TOP3B: variants seen among roughly 807,000 people sequenced by gnomAD.
The protein encoded by TOP3B is DNA topoisomerase III beta.
In TOP3B, 45 loss-of-function variants were observed where a neutral mutation model predicts 93.9. The ratio of observed to expected loss-of-function variants is 0.48; its 90% CI spans 0.38 to 0.61. The LOEUF is 0.61. TOP3B is among the 20% of genes least tolerant of loss of function. The pLI, the probability that TOP3B is intolerant of heterozygous loss-of-function variation, is 0.00. For missense variants in TOP3B, 750 were observed against 1,156.1 expected, an observed-to-expected ratio of 0.65 and a Z score of 5.09; for synonymous variants, 357 against 472.6, an observed-to-expected ratio of 0.76 and a Z score of 3.17.
chr22:21,971,749 G>A lies in TOP3B; in HGVS notation c.384+128C>T, dbSNP rs1197501754. 6 of 778,894 alleles carry A rather than the reference G, an allele frequency of 7.7e-6. No homozygotes were observed. Among genetic ancestry groups the A allele is most frequent in the Non-Finnish European group, 1.4e-5 (6 of 441,492 alleles). 48.2% of individuals were successfully genotyped at this position (778,894 alleles called of 1,614,324 possible). On this transcript the variant is annotated intron_variant, in intron 5 of 17. Transcript: ENST00000357179. The surrounding 1 kb of genome is among the most constrained non-coding windows in gnomAD (Gnocchi z 4.6). Reference sequence around the variant, plus strand: ...GTTTCAGAATAAAGGGAGGGGAGAGGTGTTTTTAAACCGGTACAGTTTACT... The same window carrying A: ...GTTTCAGAATAAAGGGAGGGGAGAGATGTTTTTAAACCGGTACAGTTTACT...
chr22:21,958,043 A>T (rs1374354086), intron 17 of TOP3B: 1 of 1,307,054 alleles, frequency 7.7e-7, no homozygotes, highest in East Asian at 4.9e-5. Flanking sequence ...GAATGTGGGC[A>T]GATGCCTCAC....
In TOP3B at chr22:21,968,708, A is replaced by G; in HGVS notation, c.649T>C (p.Cys217Arg). 1.2e-6 allele frequency: 2 copies of G among 1,614,224 alleles called. No homozygotes were observed. The highest frequency in any genetic ancestry group is 2.7e-5 in the African/African-American group (2 of 75,058). ...CAGAATCCCAGGGTTGGAGTCTGAC[A>G]CGGCCCAAAGGAGATGAGAGAGCTG... ...LDSSLISFGP[C>R]QTPTLGFCVE... Residue 217 changes from cysteine to arginine, a missense_variant, in exon 7 of 18, where the codon TGT (cysteine) becomes CGT (arginine). Transcript: ENST00000357179.
rs372226983 is a variant in TOP3B, at chr22:21,964,283, C to T, written c.976G>A (p.Glu326Lys). Reference protein sequence around the residue: ...MGPQHAMQTAERLYTQGYISY... With the variant: ...MGPQHAMQTAKRLYTQGYISY... ...ATGTAGCCTTGCGTGTAGAGCCGCT[C>T]AGCCGTCTGCATGGCGTGCTGCGGC... Residue 326 changes from glutamate (E) to lysine (K), a missense_variant, in exon 10 of 18, where the codon GAG becomes AAG. Physicochemically the swap from Glu to Lys is moderately conservative, Grantham distance 56. Transcript: ENST00000357179. 2 of 1,613,756 alleles carry T rather than the reference C, an allele frequency of 1.2e-6. No homozygotes were observed. Among genetic ancestry groups the T allele is most frequent in the African/African-American group, 1.3e-5 (1 of 74,884 alleles).
chr22:21,978,435 C>T (rs536387032), intron 1 of TOP3B, among the ~76,000 whole-genome samples: 2 of 152,304 alleles, frequency 1.3e-5, no homozygotes, highest in South Asian at 4.1e-4. Context: ...AAAGGAACAA[C>T]CCATGGCTTT....
intron 1 of TOP3B, among the ~76,000 whole-genome samples, chr22:21,981,494 A>C (rs1430310746): frequency 6.6e-6 from 1 of 152,242 alleles, no homozygotes; most frequent in Non-Finnish European, 1.5e-5. Flanking sequence ...AGTAAGCAGC[A>C]GGAGAACACG....
chr22:21,972,565 A>T, intron 4 of TOP3B, 47 bp downstream of exon 4: 1 of 1,403,800 alleles, frequency 7.1e-7, no homozygotes, highest in Non-Finnish European at 9.9e-7. Flanking sequence ...GCAGCTGTGG[A>T]GGGTGGGGAG....
rs979034165 is a variant in TOP3B, at chr22:21,970,018, T to A, written c.581+192A>T. The stretch of plus-strand genomic sequence containing the variant: ...CTGCCAACCTCAAGCAATCCTCCTA[T>A]CCTGGTCTCCCAAAGTGCAGGGATT... On this transcript the variant is annotated intron_variant, in intron 6 of 17. Coordinates refer to ENST00000357179, the MANE Select transcript of TOP3B (RefSeq NM_001282112.2). The surrounding 1 kb of genome is among the most constrained non-coding windows in gnomAD (Gnocchi z 4.4). The A allele has an allele frequency of 3.0e-5, 17 of 568,690 alleles. No individual in the cohort carries two copies. The highest frequency in any genetic ancestry group is 2.8e-4 in the African/African-American group (15 of 52,682). The allele number at this position is 568,690 out of a possible 1,614,324, so 35.2% of individuals were successfully genotyped here. A position where few individuals can be genotyped will look rare whatever the true frequency, so the allele number is the denominator to read the frequency against.
intron 1 of TOP3B, among the ~76,000 whole-genome samples, chr22:21,981,294 G>A (rs1817186342): frequency 6.6e-6 from 1 of 152,206 alleles, no homozygotes; most frequent in South Asian, 2.1e-4. Context: ...TGTGGGGTCA[G>A]AGAGACCAGA....
At chr22:21,980,356 G>T (rs1025108052) in intron 1 of TOP3B, among the ~76,000 whole-genome samples, 8 of 152,142 alleles carry the variant, frequency 5.3e-5, no homozygotes, top group Non-Finnish European at 1.2e-4. Flanking sequence ...ATAAAGGAGG[G>T]TTGTAAAGGG....
intron 14 of TOP3B, 104 bp from the exon 15 acceptor site, chr22:21,959,840 G>A: frequency 1.3e-6 from 2 of 1,489,248 alleles, no homozygotes; most frequent in Non-Finnish European, 9.0e-7. Context: ...TCCCGCTCTG[G>A]CCCGTCCTCC....
Position 21,964,319 on chromosome 22 carries a change from CGA to C in TOP3B, c.944-6_944-5del, listed in dbSNP as rs1569147045. ...ATGGCGTGCTGCGGCCCCATGCCTG[CGA>C]GAGACAGGAGGTTCTCAGAGGGCCA... On this transcript the variant is annotated splice_polypyrimidine_tract_variant and splice_region_variant and intron_variant, in intron 9 of 17. Coordinates refer to ENST00000357179, the MANE Select transcript of TOP3B (RefSeq NM_001282112.2). 1.9e-6 allele frequency: 3 copies of C among 1,613,108 alleles called. No individual in the cohort carries two copies. Among genetic ancestry groups the C allele is most frequent in the Admixed American group, 3.3e-5 (2 of 60,014 alleles).
chr22:21,967,826 G>A (rs2145853945), intron 7 of TOP3B, 110 bp from the exon 8 acceptor site: 1 of 801,978 alleles, frequency 1.2e-6, no homozygotes, highest in East Asian at 2.5e-5. Flanking sequence ...GAGCCAAATA[G>A]CCCTGGCTGT....
At chr22:21,960,235 C>T (rs2071109758) in intron 14 of TOP3B, 86 bp downstream of exon 14, 1 of 1,587,246 alleles carries the variant, frequency 6.3e-7, no homozygotes, top group Admixed American at 1.7e-5. Flanking sequence ...AGGGCAGGGG[C>T]CTGTCTGGAG....
chr22:21,980,898 AG>A (rs1479581668), intron 1 of TOP3B, among the ~76,000 whole-genome samples: 1 of 152,216 alleles, frequency 6.6e-6, no homozygotes, highest in African/African-American at 2.4e-5. Context: ...ATGCCTGCTG[AG>A]GGAATGAATG....
chr22:21,965,525 A>G (rs1005938340), intron 8 of TOP3B, 150 bp from the exon 9 acceptor site: 1 of 446,480 alleles, frequency 2.2e-6, no homozygotes, highest in Non-Finnish European at 4.0e-6. Flanking sequence ...ACTTGATTGA[A>G]TATTTATTCA....
At chr22:21,974,207 C>T (rs1004013110) in intron 3 of TOP3B, 150 bp downstream of exon 3, 2 of 993,562 alleles carry the variant, frequency 2.0e-6, no homozygotes, top group African/African-American at 3.3e-5. Context: ...CACCAGGGAC[C>T]CTCTCATTGC....
At position 21,971,919 on chromosome 22, in the gene TOP3B, C is replaced by T. The variant is rs1471425378; in HGVS notation, c.342G>A (p.Leu114=). 1.9e-6 allele frequency: 3 copies of T among 1,613,880 alleles called. No individual in the cohort carries two copies. Among genetic ancestry groups the T allele is most frequent in the Admixed American group, 3.3e-5 (2 of 59,978 alleles). The change falls in exon 5 of 18, where the codon CTG becomes CTA. Residue 114 remains leucine (L), a synonymous_variant. Transcript: ENST00000357179. This position sits in a 1 kb window ranked among gnomAD's most constrained non-coding sequence, Gnocchi z 4.6. ...CCCCCTCCTTGTCGCAGTCCAGCCA[C>T]AGCACGATGTAGTCGCAGCCTCTGC... is the stretch of plus-strand genomic sequence containing the variant. ...VEGRGCDYIV[L]WLDCDKEGEN...
chr22:21,964,389 C>T, intron 9 of TOP3B, 74 bp from the exon 10 acceptor site: 1 of 1,566,692 alleles, frequency 6.4e-7, no homozygotes, highest in Non-Finnish European at 8.7e-7. Context: ...CCTATGCACT[C>T]AGGCTCCCCC....
chr22:21,977,598 CCAA>C, intron 1 of TOP3B: 1 of 150,982 alleles, frequency 6.6e-6, no homozygotes, highest in African/African-American at 2.4e-5. Flanking sequence ...CACATCATGT[CCAA>C]CAACACTCGC....
Sources: allele counts gnomAD v4.1 joint callset (sites outside exome capture counted in the v4.1 genomes callset), GRCh38; gene constraint gnomAD v4.1.1; non-coding constraint Gnocchi (gnomAD v3.1); transcripts MANE v1.5; gene names NCBI Gene and HGNC (gene_info 2026-07-23, HGNC 2026-07-21).